HOOK3: variants seen among roughly 807,000 people sequenced by gnomAD.
HOOK3 encodes the protein protein Hook homolog 3.
In HOOK3, 24 loss-of-function variants were observed where a neutral mutation model predicts 116.3. That is an observed-to-expected ratio of 0.21 (90% CI 0.15 to 0.29). The LOEUF (loss-of-function observed/expected upper bound fraction) is 0.29, where lower values mean the gene tolerates loss of function less well. HOOK3 is among the 10% of genes least tolerant of loss of function. The pLI is 1.00. For missense variants in HOOK3, 632 were observed against 830.2 expected, an observed-to-expected ratio of 0.76 and a Z score of 2.93; for synonymous variants, 275 against 283.0, an observed-to-expected ratio of 0.97 and a Z score of 0.28.
chr8:42,986,399 T>C (rs1809049682), intron 14 of HOOK3, among the ~76,000 whole-genome samples: 1 of 152,122 alleles, frequency 6.6e-6, no homozygotes, highest in African/African-American at 2.4e-5. Flanking sequence ...AGGGAAGAAA[T>C]AGGATTTTGA....
chr8:42,925,689 AT>A (rs34821062), intron 3 of HOOK3, 60 bp downstream of exon 3: 610 of 1,101,942 alleles, frequency 5.5e-4, no homozygotes, highest in Admixed American at 7.4e-4. Context: ...ATATCTGTTG[AT>A]TTTTTTTTGT....
At chr8:42,970,672 C>G (rs1296077969) in intron 11 of HOOK3, among the ~76,000 whole-genome samples, 1 of 151,010 alleles carries the variant, frequency 6.6e-6, no homozygotes, top group Non-Finnish European at 1.5e-5. Context: ...ATGAAATTGA[C>G]TTTTATATGT....
chr8:42,933,438 G>A (rs1186598634), intron 4 of HOOK3, among the ~76,000 whole-genome samples: 2 of 152,134 alleles, frequency 1.3e-5, no homozygotes, highest in Non-Finnish European at 2.9e-5. Flanking sequence ...GGGGCCTGGG[G>A]TTACACCATT....
chr8:43,024,626 C>G lies in HOOK3; in HGVS notation c.*6128C>G, dbSNP rs1487259621. ...TTTTTTCTATGAGGAAGGCTATTCT[C>G]AATGTATCTGTCGTCTAATTTTTTA... On this transcript the variant is annotated 3_prime_UTR_variant, in exon 22 of 22. Transcript: ENST00000307602. 1.1e-5 allele frequency: 2 copies of G among 185,420 alleles called. No homozygotes were observed. The highest frequency in any genetic ancestry group is 2.3e-5 in the Non-Finnish European group (2 of 87,622). The allele number at this position is 185,420 out of a possible 1,614,324, so 11.5% of individuals were successfully genotyped here.
At chr8:42,936,080 G>A (rs1462939369) in intron 4 of HOOK3, among the ~76,000 whole-genome samples, 2 of 152,180 alleles carry the variant, frequency 1.3e-5, no homozygotes, top group African/African-American at 4.8e-5. Flanking sequence ...GCAGTGGTTT[G>A]TAGTTCTCCT....
At chr8:43,004,368 A>C (rs74459886) in intron 17 of HOOK3, among the ~76,000 whole-genome samples, 1 of 143,062 alleles carries the variant, frequency 7.0e-6, no homozygotes, top group Non-Finnish European at 1.5e-5. Flanking sequence ...CTCTGTCTCA[A>C]AAAAAAAAAA....
chr8:42,929,873 T>A (rs1223044101), intron 3 of HOOK3, among the ~76,000 whole-genome samples: 2 of 152,310 alleles, frequency 1.3e-5, no homozygotes, highest in Non-Finnish European at 2.9e-5. Context: ...ACCCTCCAGT[T>A]GTTTTCAGTG....
At position 42,989,612 on chromosome 8, in the gene HOOK3, A is replaced by G. The variant is rs781178841; in HGVS notation, c.1532+2817A>G. Reference sequence around the variant, plus strand: ...TATCATTTATGTTACGAACAATCCCATTATACTCTTTAGTTATTTTTAAAT... The same window carrying G: ...TATCATTTATGTTACGAACAATCCCGTTATACTCTTTAGTTATTTTTAAAT... On this transcript the variant is annotated intron_variant, in intron 15 of 21. Transcript: ENST00000307602. Among the ~76,000 whole-genome samples the G allele has an allele frequency of 4.9e-4, 75 of 152,284 alleles. 1 individual carries two copies. The highest frequency in any genetic ancestry group is 3.4e-3 in the Middle Eastern group (1 of 294).
In HOOK3 at chr8:42,939,435, G is replaced by A. The variant is rs1382710545; in HGVS notation, c.268-3878G>A. On this transcript the variant is annotated intron_variant, in intron 4 of 21. Transcript: ENST00000307602. ...TCCCTCCCGGATGGGGCAGCTGGCC[G>A]GGCAGAGGGGCTCCTCACTTCCCAG... 2.6e-3 allele frequency among the ~76,000 whole-genome samples: 395 copies of A among 150,580 alleles called. 1 individual carries two copies. Among genetic ancestry groups the A allele is most frequent in the Non-Finnish European group, 3.8e-3 (258 of 67,266 alleles).
At chr8:42,971,922 A>G (rs941771863) in intron 11 of HOOK3, among the ~76,000 whole-genome samples, 9 of 152,058 alleles carry the variant, frequency 5.9e-5, no homozygotes, top group Admixed American at 1.3e-4. Context: ...AGCTCAGGCA[A>G]TCTGCCCACC....
In HOOK3 at chr8:43,027,218, A is replaced by C. The variant is rs1454089748; in HGVS notation, c.*8720A>C. The C allele has an allele frequency of 3.8e-6, 1 of 263,240 alleles. No homozygotes were observed. Among genetic ancestry groups the C allele is most frequent in the East Asian group, 7.5e-5 (1 of 13,422 alleles). The allele number at this position is 263,240 out of a possible 1,614,324, so 16.3% of individuals were successfully genotyped here. On this transcript the variant is annotated 3_prime_UTR_variant, in exon 22 of 22. Transcript: ENST00000307602. The stretch of plus-strand genomic sequence containing the variant: ...TGAACTTGGCCATTTTCTTACATTC[A>C]TATATAGCAAAGTTTTCAACTTGTC...
At chr8:42,924,354 G>C (rs1807722445) in intron 2 of HOOK3, among the ~76,000 whole-genome samples, 1 of 140,346 alleles carries the variant, frequency 7.1e-6, no homozygotes, top group African/African-American at 2.6e-5. Flanking sequence ...CCTTCCTAGT[G>C]TTTATTAGAA....
At chr8:42,967,842 C>T (rs539597826) in intron 10 of HOOK3, among the ~76,000 whole-genome samples, 171 bp from the exon 11 acceptor site, 37 of 151,742 alleles carry the variant, frequency 2.4e-4, no homozygotes, top group South Asian at 1.9e-3. Context: ...CTCCATTAAA[C>T]ATTTAGTTGT....
At chr8:42,945,471 G>A (rs1808209464) in intron 5 of HOOK3, among the ~76,000 whole-genome samples, 1 of 152,024 alleles carries the variant, frequency 6.6e-6, no homozygotes, top group Non-Finnish European at 1.5e-5. Flanking sequence ...CACCATGCCT[G>A]GCTAATGCTT....
intron 11 of HOOK3, 33 bp downstream of exon 11, chr8:42,968,247 C>T (rs1303160078): frequency 6.7e-7 from 1 of 1,486,168 alleles, no homozygotes; most frequent in South Asian, 1.2e-5. Context: ...ATGATGGTTT[C>T]AGGCAAGCTC....
rs755966313 is a variant in HOOK3, at chr8:43,015,136, C to CA, written c.2016+1745dup. Among the ~76,000 whole-genome samples, 109 of 144,518 alleles carry CA rather than the reference C, an allele frequency of 7.5e-4. 1 individual carries two copies. Among genetic ancestry groups the CA allele is most frequent in the South Asian group, 5.3e-3 (24 of 4,538 alleles). 94.8% of individuals were successfully genotyped at this position (144,518 alleles called of 152,430 possible). A position where few individuals can be genotyped will look rare whatever the true frequency, so the allele number is the denominator to read the frequency against. ...TGGGTGACAGAGTGAGACTCTGTCT[C>CA]AAAAAAAAACAAAAAACAAAAACTG... On this transcript the variant is annotated intron_variant, in intron 21 of 21. Coordinates refer to ENST00000307602, the MANE Select transcript of HOOK3 (RefSeq NM_032410.4).
At chr8:42,958,607 T>G (rs951557065) in intron 7 of HOOK3, among the ~76,000 whole-genome samples, 1 of 150,072 alleles carries the variant, frequency 6.7e-6, no homozygotes, top group African/African-American at 2.4e-5. Flanking sequence ...TTTTTTTTTT[T>G]TTTTTTTTTT....
At chr8:42,975,440 G>A (rs897044557) in intron 13 of HOOK3, among the ~76,000 whole-genome samples, 7 of 152,122 alleles carry the variant, frequency 4.6e-5, no homozygotes, top group African/African-American at 1.7e-4. Context: ...AATAAATTAG[G>A]CAACGTGGTA....
At chr8:43,010,490 C>T (rs1320970880) in intron 19 of HOOK3, 85 bp downstream of exon 19, 2 of 356,106 alleles carry the variant, frequency 5.6e-6, no homozygotes, top group Non-Finnish European at 1.0e-5. Flanking sequence ...GACACTACAG[C>T]AACTTCTTAA....
Sources: allele counts gnomAD v4.1 joint callset (sites outside exome capture counted in the v4.1 genomes callset), GRCh38; gene constraint gnomAD v4.1.1; transcripts MANE v1.5; gene names NCBI Gene and HGNC (gene_info 2026-07-23, HGNC 2026-07-21).